ABAT: variants seen among roughly 807,000 people sequenced by gnomAD.
The protein encoded by ABAT is 4-aminobutyrate aminotransferase.
Under a neutral mutation model 64.6 loss-of-function variants are expected in ABAT, and 45 were observed. That is an observed-to-expected ratio of 0.70 (90% CI 0.55 to 0.89). The LOEUF is 0.89. Among genes scored for constraint, ABAT ranks in the 40% least tolerant of loss-of-function variants. ABAT has a pLI of 0.00. For missense variants in ABAT, 633 were observed against 658.4 expected, an observed-to-expected ratio of 0.96 and a Z score of 0.42; for synonymous variants, 297 against 250.5, an observed-to-expected ratio of 1.19 and a Z score of -1.75.
At chr16:8,759,664 C>T (rs2059740747) in intron 6 of ABAT, among the ~76,000 whole-genome samples, 3 of 152,182 alleles carry the variant, frequency 2.0e-5, no homozygotes, top group Admixed American at 2.0e-4. Context: ...AGGTGCCCAC[C>T]ACCATGCCCA....
At position 8,781,177 on chromosome 16, in the gene ABAT, C is replaced by A; in HGVS notation, c.1382-132C>A. 6.9e-7 allele frequency: 1 copy of A among 1,456,092 alleles called. No individual in the cohort carries two copies. Among genetic ancestry groups the A allele is most frequent in the Non-Finnish European group, 9.5e-7 (1 of 1,050,348 alleles). 90.2% of individuals were successfully genotyped at this position (1,456,092 alleles called of 1,614,324 possible). ...GTGGTAGGAAGGAAGCCCGGGCTTCCATGATGGAGGATGATGGATGGATGG... is the reference window on the plus strand; with the variant it reads ...GTGGTAGGAAGGAAGCCCGGGCTTCAATGATGGAGGATGATGGATGGATGG... On this transcript the variant is annotated intron_variant, in intron 15 of 15. Coordinates refer to ENST00000268251, the MANE Select transcript of ABAT (RefSeq NM_020686.6). The surrounding 1 kb of genome is among the most constrained non-coding windows in gnomAD (Gnocchi z 4.5).
At chr16:8,744,659 T>G (rs1460079159) in intron 2 of ABAT, among the ~76,000 whole-genome samples, 3 of 151,900 alleles carry the variant, frequency 2.0e-5, no homozygotes, top group African/African-American at 7.3e-5. Flanking sequence ...TGAGCCACGG[T>G]GCCCAGCCAG....
intron 1 of ABAT, among the ~76,000 whole-genome samples, chr16:8,678,715 A>G (rs1008926101): frequency 3.2e-4 from 48 of 152,302 alleles, no homozygotes; most frequent in African/African-American, 1.1e-3. Flanking sequence ...CAGAGCTTGC[A>G]ACACTGGTAT....
chr16:8,770,812 A>G (rs536932530), intron 11 of ABAT, among the ~76,000 whole-genome samples: 7 of 152,328 alleles, frequency 4.6e-5, no homozygotes, highest in African/African-American at 1.2e-4. Context: ...TGAACCGAAT[A>G]TATTCAAAAT....
intron 2 of ABAT, among the ~76,000 whole-genome samples, chr16:8,738,616 G>GTTTTTTTTTTTTTTTTTTTTTTTT (rs772511380): frequency 2.6e-5 from 3 of 117,574 alleles, no homozygotes; most frequent in African/African-American, 3.8e-5. Context: ...TTTTGTTTTT[G>GTTTTTTTTTTTTTTTTTTTTTTTT]TTTTTGTTTT....
At chr16:8,766,332 G>C in intron 9 of ABAT, 62 bp downstream of exon 9, 1 of 1,542,302 alleles carries the variant, frequency 6.5e-7, no homozygotes, top group Non-Finnish European at 8.9e-7. Context: ...CTCCCGGGCT[G>C]TTGCTGGCTG....
intron 1 of ABAT, among the ~76,000 whole-genome samples, chr16:8,719,183 G>A (rs1199875770): frequency 6.6e-6 from 1 of 152,154 alleles, no homozygotes; most frequent in East Asian, 1.9e-4. Context: ...CGGCACAGGT[G>A]TGCAGAAAGC....
At chr16:8,746,317 T>A (rs1596451021) in intron 3 of ABAT, among the ~76,000 whole-genome samples, 1 of 151,384 alleles carries the variant, frequency 6.6e-6, no homozygotes, top group African/African-American at 2.4e-5. Flanking sequence ...CTTTGAGAGG[T>A]TGAGGCGGGC....
intron 1 of ABAT, among the ~76,000 whole-genome samples, chr16:8,719,437 CCTGT>C (rs2058302757): frequency 1.3e-5 from 2 of 152,276 alleles, no homozygotes; most frequent in East Asian, 3.9e-4. Flanking sequence ...GATGTGAAGC[CCTGT>C]CTGTTCATTT....
intron 14 of ABAT, among the ~76,000 whole-genome samples, chr16:8,777,041 G>C (rs1480788791): frequency 6.6e-6 from 1 of 152,064 alleles, no homozygotes; most frequent in South Asian, 2.1e-4. Flanking sequence ...TGGGATTACG[G>C]GCATGTGCCG....
At chr16:8,716,741 G>A (rs182884161) in intron 1 of ABAT, among the ~76,000 whole-genome samples, 67 of 152,268 alleles carry the variant, frequency 4.4e-4, no homozygotes, top group African/African-American at 1.6e-3. Flanking sequence ...TTGTGCCTAC[G>A]TCATTGCAGC....
chr16:8,781,942 G>A lies in ABAT; in HGVS notation c.*512G>A, dbSNP rs3743798. On this transcript the variant is annotated 3_prime_UTR_variant, in exon 16 of 16. Coordinates refer to ENST00000268251, the MANE Select transcript of ABAT (RefSeq NM_020686.6). This position sits in a 1 kb window ranked among gnomAD's most constrained non-coding sequence, Gnocchi z 4.5. Reference sequence around the variant, plus strand: ...TGAGCACGCCCCACGCATGGTGCAGGAGGGACTGGACAGATCTGAGGAAGG... The same window carrying A: ...TGAGCACGCCCCACGCATGGTGCAGAAGGGACTGGACAGATCTGAGGAAGG... 121,652 of 284,430 alleles carry A rather than the reference G, an allele frequency of 0.43. 26,244 individuals are homozygous for A. Among genetic ancestry groups the A allele is most frequent in the Non-Finnish European group, 0.47 (69,057 of 146,186 alleles). The allele number at this position is 284,430 out of a possible 1,614,324, so 17.6% of individuals were successfully genotyped here.
At position 8,764,520 on chromosome 16, in the gene ABAT, C is replaced by T. The variant is rs1056457262; in HGVS notation, c.448-218C>T. On this transcript the variant is annotated intron_variant, in intron 7 of 15. Coordinates refer to ENST00000268251, the MANE Select transcript of ABAT (RefSeq NM_020686.6). The surrounding 1 kb of genome is among the most constrained non-coding windows in gnomAD (Gnocchi z 4.2). ...AGGTGCATCAGGAGTGGGCTTTTGC[C>T]CCCCTTCTTTCCTCTCTGCCAGCCT... Among the ~76,000 whole-genome samples, 2 of 152,136 alleles carry T rather than the reference C, an allele frequency of 1.3e-5. No individual in the cohort carries two copies. Among genetic ancestry groups the T allele is most frequent in the African/African-American group, 4.8e-5 (2 of 41,432 alleles).
At chr16:8,754,307 A>G (rs2059580086) in intron 5 of ABAT, among the ~76,000 whole-genome samples, 1 of 151,696 alleles carries the variant, frequency 6.6e-6, no homozygotes, top group Admixed American at 6.6e-5. Context: ...GTGAGCCATG[A>G]TTACACCACT....
At chr16:8,721,936 C>A (rs1476312072) in intron 1 of ABAT, among the ~76,000 whole-genome samples, 1 of 152,206 alleles carries the variant, frequency 6.6e-6, no homozygotes, top group Non-Finnish European at 1.5e-5. Context: ...CTTGTTTTGA[C>A]TGAGACACAC....
In ABAT at chr16:8,781,199, AT is replaced by A. The variant is rs2143007128; in HGVS notation, c.1382-109del. 4.6e-6 allele frequency: 7 copies of A among 1,537,084 alleles called. No individual in the cohort carries two copies. The highest frequency in any genetic ancestry group is 1.4e-5 in the African/African-American group (1 of 73,402). ...TTCCATGATGGAGGATGATGGATGG[AT>A]GGATGGATGGATGGATGAGCGTTGC... On this transcript the variant is annotated intron_variant, in intron 15 of 15. Transcript: ENST00000268251. This position sits in a 1 kb window ranked among gnomAD's most constrained non-coding sequence, Gnocchi z 4.5.
chr16:8,746,457 G>T (rs1157333977), intron 3 of ABAT, among the ~76,000 whole-genome samples: 1 of 152,070 alleles, frequency 6.6e-6, no homozygotes, highest in African/African-American at 2.4e-5. Context: ...GGAGGCTGAG[G>T]CAAGGGAATC....
intron 1 of ABAT, among the ~76,000 whole-genome samples, chr16:8,677,390 C>A (rs1327199184): frequency 1.3e-5 from 2 of 152,178 alleles, no homozygotes; most frequent in African/African-American, 4.8e-5. Context: ...ACCACAGACC[C>A]TGAAGCCAGA....
At chr16:8,763,854 G>A (rs1174673508) in intron 6 of ABAT, among the ~76,000 whole-genome samples, 1 of 152,204 alleles carries the variant, frequency 6.6e-6, no homozygotes, top group African/African-American at 2.4e-5. Flanking sequence ...ATGGCAACCA[G>A]GACACTGACC....
Sources: gnomAD v4.1 joint callset for allele counts (sites outside exome capture counted in the v4.1 genomes callset) on GRCh38, gnomAD v4.1.1 for gene constraint, Gnocchi (gnomAD v3.1) non-coding constraint, MANE v1.5 for transcripts, NCBI Gene and HGNC (gene_info 2026-07-23, HGNC 2026-07-21) for gene names.